The following ZMYND11 variants were observed in gnomAD, a reference collection of about 807,000 sequenced individuals.
The protein encoded by ZMYND11 is zinc finger MYND-type containing 11, also known as zinc finger MYND domain-containing protein 11.
Under a neutral mutation model 84.9 loss-of-function variants are expected in ZMYND11, and 9 were observed. That is an observed-to-expected ratio of 0.11 (90% CI 0.06 to 0.18). ZMYND11 has a LOEUF of 0.18. Ranked by LOEUF, ZMYND11 falls within the 10% of genes least tolerant of loss-of-function variation. The pLI, the probability that ZMYND11 is intolerant of heterozygous loss-of-function variation, is 1.00. For missense variants in ZMYND11, 409 were observed against 761.0 expected, an observed-to-expected ratio of 0.54 and a Z score of 5.44; for synonymous variants, 250 against 244.1, an observed-to-expected ratio of 1.02 and a Z score of -0.23.
chr10:176,172 C>T, intron 1 of ZMYND11, among the ~76,000 whole-genome samples: 1 of 152,098 alleles, frequency 6.6e-6, no homozygotes, highest in East Asian at 1.9e-4. Context: ...AGTGACACTT[C>T]TGTAGACTGA....
chr10:161,398 ATTC>A (rs1446438636), intron 1 of ZMYND11, among the ~76,000 whole-genome samples: 2 of 152,312 alleles, frequency 1.3e-5, no homozygotes, highest in Middle Eastern at 3.4e-3. Context: ...ATATAGCATA[ATTC>A]TTAAGGGCGC....
chr10:136,493 C>T (rs1225583917), intron 1 of ZMYND11, among the ~76,000 whole-genome samples: 8 of 152,186 alleles, frequency 5.3e-5, no homozygotes, highest in African/African-American at 1.7e-4. Flanking sequence ...TACCCGGTGT[C>T]GTACCGGCTA....
intron 2 of ZMYND11, among the ~76,000 whole-genome samples, chr10:186,265 C>T (rs1031531462): frequency 6.6e-6 from 1 of 151,886 alleles, no homozygotes; most frequent in East Asian, 2.0e-4. Context: ...CCCGCCTCGG[C>T]CTCCCAAAGT....
intron 2 of ZMYND11, among the ~76,000 whole-genome samples, chr10:208,466 A>T (rs748031387): frequency 6.6e-6 from 1 of 152,190 alleles, no homozygotes; most frequent in Admixed American, 6.5e-5. Flanking sequence ...AATAACCCCA[A>T]CAAAAAGTGG....
rs545533967 is a variant in ZMYND11, at chr10:199,258, T to G, written c.117-10631T>G. Among the ~76,000 whole-genome samples, 17 of 148,242 alleles carry G rather than the reference T, an allele frequency of 1.1e-4. No individual in the cohort carries two copies. The East Asian group carries it at 1.8e-3, about 16-fold the overall frequency. On this transcript the variant is annotated intron_variant, in intron 2 of 14. Transcript: ENST00000381604. ...CTCTCCCTTCCCCCCTCGCTCGCTCTCTCTCCCCATTCCCCTTCCCATCCC... is the reference window on the plus strand; with the variant it reads ...CTCTCCCTTCCCCCCTCGCTCGCTCGCTCTCCCCATTCCCCTTCCCATCCC...
chr10:141,924 C>T (rs1480961934), intron 1 of ZMYND11, among the ~76,000 whole-genome samples: 3 of 152,066 alleles, frequency 2.0e-5, no homozygotes, highest in East Asian at 3.9e-4. Flanking sequence ...TCTCATAACT[C>T]GGGTTAAAAA....
chr10:248,451 C>G lies in ZMYND11; in HGVS notation c.1343C>G (p.Pro448Arg). Residue 448 changes from proline (P) to arginine (R), a missense_variant, in exon 13 of 15, where the codon CCA becomes CGA. Transcript: ENST00000381604. ...TQTKKLSASS[P>R]RMLHRSTQTT... ...ACAAAGAAGTTAAGTGCCTCTTCAC[C>G]AAGAATGCTGCATCGGAGCACCCAG... 6.2e-7 allele frequency: 1 copy of G among 1,614,152 alleles called. No individual in the cohort carries two copies. Among genetic ancestry groups the G allele is most frequent in the Non-Finnish European group, 8.5e-7 (1 of 1,180,028 alleles).
Position 251,056 on chromosome 10 carries a change from C to G in ZMYND11, c.1687-1292C>G, listed in dbSNP as rs374877003. Among the ~76,000 whole-genome samples the G allele has an allele frequency of 3.3e-5, 5 of 152,168 alleles. No homozygotes were observed. The East Asian group carries it at 5.8e-4, about 18-fold the overall frequency. ...AAGAATTCTTTCTTCCCAATTACAT[C>G]TTACATTGTTGTAAGAAATAGAGTA... On this transcript the variant is annotated intron_variant, in intron 14 of 14. Coordinates refer to ENST00000381604, the MANE Select transcript of ZMYND11 (RefSeq NM_001370100.5).
At chr10:151,373 A>G (rs1840319989) in intron 1 of ZMYND11, among the ~76,000 whole-genome samples, 1 of 152,198 alleles carries the variant, frequency 6.6e-6, no homozygotes, top group Non-Finnish European at 1.5e-5. Flanking sequence ...TCTTTAAATG[A>G]CCTGATGGAG....
chr10:145,519 C>T (rs535748358), intron 1 of ZMYND11, among the ~76,000 whole-genome samples: 7 of 152,218 alleles, frequency 4.6e-5, no homozygotes, highest in East Asian at 3.9e-4. Context: ...TATACATTCT[C>T]GTAAGCATTC....
At position 246,897 on chromosome 10, in the gene ZMYND11, G is replaced by T; in HGVS notation, c.1082G>T (p.Arg361Ile). 6.2e-7 allele frequency: 1 copy of T among 1,613,818 alleles called. No individual in the cohort carries two copies. Among genetic ancestry groups the T allele is most frequent in the African/African-American group, 1.3e-5 (1 of 75,046 alleles). Residue 361 changes from arginine (R) to isoleucine (I), a missense_variant, in exon 11 of 15, where the codon AGA becomes ATA. Arg to Ile is a moderately conservative substitution (Grantham distance 97). Coordinates refer to ENST00000381604, the MANE Select transcript of ZMYND11 (RefSeq NM_001370100.5). ...ELHQRFLREGRFWKSKNEDRG... is the reference protein window; with the variant it reads ...ELHQRFLREGIFWKSKNEDRG... ...CATCAGCGTTTCCTACGAGAAGGGA[G>T]ATTTTGGAAATCTAAGAATGAGGAC...
chr10:238,443 GC>G (rs1198340743), intron 6 of ZMYND11, among the ~76,000 whole-genome samples: 1 of 151,674 alleles, frequency 6.6e-6, no homozygotes, highest in Non-Finnish European at 1.5e-5. Context: ...TGCAAGCTCT[GC>G]CTCCCGGGTT....
rs753041745 is a variant in ZMYND11 at position 189,355 on chromosome 10, TCTTC to T, written c.116+9232_116+9235del. 2.8e-3 allele frequency among the ~76,000 whole-genome samples: 434 copies of T among 152,354 alleles called. 4 individuals are homozygous for T. The highest frequency in any genetic ancestry group is 4.4e-3 in the Non-Finnish European group (300 of 68,032). ...TTTGCTATGTCTCACTGTCAATTTC[TCTTC>T]CTTCACTGGAATTATTGGAGAGGAA... On this transcript the variant is annotated intron_variant, in intron 2 of 14. Coordinates refer to ENST00000381604, the MANE Select transcript of ZMYND11 (RefSeq NM_001370100.5).
At chr10:233,831 T>C (rs1949440215) in intron 4 of ZMYND11, among the ~76,000 whole-genome samples, 3 of 152,236 alleles carry the variant, frequency 2.0e-5, no homozygotes, top group Non-Finnish European at 4.4e-5. Context: ...ATGAACTATA[T>C]GCATTCTGAC....
chr10:178,501 G>A (rs760635845), intron 1 of ZMYND11, among the ~76,000 whole-genome samples: 1 of 152,114 alleles, frequency 6.6e-6, no homozygotes, highest in Non-Finnish European at 1.5e-5. Context: ...GAAAGTTGGT[G>A]CTCCAACACA....
chr10:238,850 G>A (rs1004332915), intron 6 of ZMYND11, among the ~76,000 whole-genome samples: 27 of 152,170 alleles, frequency 1.8e-4, no homozygotes, highest in African/African-American at 4.8e-4. Context: ...GAACCCAGAC[G>A]CCCCTTCTTC....
At chr10:192,296 G>T (rs1940651901) in intron 2 of ZMYND11, among the ~76,000 whole-genome samples, 1 of 152,182 alleles carries the variant, frequency 6.6e-6, no homozygotes, top group Non-Finnish European at 1.5e-5. Flanking sequence ...TGAGGCACTG[G>T]ACTACATTTT....
intron 4 of ZMYND11, among the ~76,000 whole-genome samples, chr10:233,719 A>ATGCTCTAGCAAACTAG (rs1349928348): frequency 6.6e-6 from 1 of 152,206 alleles, no homozygotes; most frequent in Non-Finnish European, 1.5e-5. Context: ...AAGGAGACAG[A>ATGCTCTAGCAAACTAG]TGCTCTAGCA....
chr10:207,523 C>T lies in ZMYND11; in HGVS notation c.117-2366C>T, dbSNP rs544801355. Reference sequence around the variant, plus strand: ...CTGTTGTTTCCTGACTTTTTAATGACTGCCATTCTAACTGGTGTGAGATGG... The same window carrying T: ...CTGTTGTTTCCTGACTTTTTAATGATTGCCATTCTAACTGGTGTGAGATGG... On this transcript the variant is annotated intron_variant, in intron 2 of 14. Transcript: ENST00000381604. Among the ~76,000 whole-genome samples the T allele has an allele frequency of 4.6e-5, 7 of 152,238 alleles. No individual in the cohort carries two copies. The East Asian group carries it at 9.7e-4, about 21-fold the overall frequency.
Sources: gnomAD v4.1 joint callset for allele counts (sites outside exome capture counted in the v4.1 genomes callset) on GRCh38, gnomAD v4.1.1 for gene constraint, MANE v1.5 for transcripts, NCBI Gene and HGNC (gene_info 2026-07-23, HGNC 2026-07-21) for gene names.